The following NPC1L1 variants were observed in gnomAD, a reference collection of about 807,000 sequenced individuals.
NPC1L1 encodes the protein NPC1 like intracellular cholesterol transporter 1.
In NPC1L1, 98 loss-of-function variants were observed where a neutral mutation model predicts 117.0. That is an observed-to-expected ratio of 0.84 (90% confidence interval 0.71 to 0.99). The LOEUF is 0.99. NPC1L1 is among the 50% of genes least tolerant of loss of function. The pLI is 0.00. For missense variants in NPC1L1, 1,540 were observed against 1,710.0 expected (o/e 0.90, Z 1.75); for synonymous variants, 729 against 727.6 (o/e 1.00, Z -0.03).
rs990169969 is a variant in NPC1L1 at position 44,517,430 on chromosome 7, G to A, written c.3137-73C>T. 53 of 1,561,370 alleles carry A rather than the reference G, an allele frequency of 3.4e-5. 1 individual carries two copies. Among genetic ancestry groups the A allele is most frequent in the African/African-American group, 8.1e-5 (6 of 74,052 alleles). ...CTTTCCAGGACAACTTCAGAACACC[G>A]CAGACGCAGTGGCACAGGCATGTGA... is the stretch of plus-strand genomic sequence containing the variant. On this transcript the variant is annotated intron_variant, in intron 14 of 18. Coordinates refer to ENST00000381160, the MANE Select transcript of NPC1L1 (RefSeq NM_001101648.2).
chr7:44,522,771 T>G (rs977499509), intron 10 of NPC1L1, among the ~76,000 whole-genome samples: 1 of 152,086 alleles, frequency 6.6e-6, no homozygotes, highest in African/African-American at 2.4e-5. Context: ...GAACACACAC[T>G]GACACACACA....
rs1313125297 is a variant in NPC1L1 at position 44,536,006 on chromosome 7, C to G, written c.1855-38G>C. 6.2e-7 allele frequency: 1 copy of G among 1,612,072 alleles called. No individual in the cohort carries two copies. The highest frequency in any genetic ancestry group is 8.5e-7 in the Non-Finnish European group (1 of 1,179,884). ...ACCCGACCAGCCCCCACTGACCGTG[C>G]CTGCTTCAGCCAGGCCAGCTCTCAA... On this transcript the variant is annotated intron_variant, in intron 4 of 18. Transcript: ENST00000381160. This position sits in a 1 kb window ranked among gnomAD's most constrained non-coding sequence, Gnocchi z 4.7.
At chr7:44,532,295 T>A in intron 8 of NPC1L1, 78 bp from the exon 9 acceptor site, 1 of 1,581,916 alleles carries the variant, frequency 6.3e-7, no homozygotes, top group Non-Finnish European at 8.7e-7. Context: ...CCCCAGGGAG[T>A]GTCACCTTCT....
In NPC1L1 at chr7:44,536,148, C is replaced by T. The variant is rs1801882172; in HGVS notation, c.1854+108G>A. On this transcript the variant is annotated intron_variant, in intron 4 of 18. Coordinates refer to ENST00000381160, the MANE Select transcript of NPC1L1 (RefSeq NM_001101648.2). The surrounding 1 kb of genome is among the most constrained non-coding windows in gnomAD (Gnocchi z 4.7). ...AATCACCCCGTTCTGAGCAGGCAGC[C>T]ACTGCCCAGGGTCACTTAGGAAGGG... is the stretch of plus-strand genomic sequence containing the variant. The T allele has an allele frequency of 1.3e-6, 2 of 1,563,336 alleles. No individual in the cohort carries two copies. Among genetic ancestry groups the T allele is most frequent in the Admixed American group, 3.3e-5 (2 of 59,924 alleles).
chr7:44,530,779 C>T lies in NPC1L1; in HGVS notation c.2637+976G>A, dbSNP rs893715023. Among the ~76,000 whole-genome samples the T allele has an allele frequency of 2.0e-5, 3 of 152,136 alleles. No individual in the cohort carries two copies. In the South Asian group the frequency reaches 6.2e-4, roughly 32 times the overall value. ...CAGGTGGCAGGTTCATTCTGTGACT[C>T]CTCACCTGCTCTCCCTCCATAAAGT... On this transcript the variant is annotated intron_variant, in intron 10 of 18. Transcript: ENST00000381160.
At chr7:44,517,490 G>T in intron 14 of NPC1L1, 133 bp from the exon 15 acceptor site, 1 of 1,127,368 alleles carries the variant, frequency 8.9e-7, no homozygotes. Context: ...ACCACCATTT[G>T]AAATTCTTAG....
intron 16 of NPC1L1, among the ~76,000 whole-genome samples, 167 bp downstream of exon 16, chr7:44,516,536 T>C (rs1801190930): frequency 1.3e-5 from 2 of 151,850 alleles, no homozygotes; most frequent in African/African-American, 2.4e-5. Context: ...AGCCCAAGGG[T>C]TCGAGGCTAC....
intron 10 of NPC1L1, among the ~76,000 whole-genome samples, chr7:44,527,486 A>AAAAAAC (rs1801556611): frequency 6.7e-6 from 1 of 150,234 alleles, no homozygotes; most frequent in Non-Finnish European, 1.5e-5. Context: ...AAAAAAAAAA[A>AAAAAAC]GACATCAGCA....
Position 44,534,600 on chromosome 7 carries a change from G to A in NPC1L1, c.2013C>T (p.Gly671=), listed in dbSNP as rs777677665. ...CTGCTCCCAGGACCACGGCCACCCC[G>A]CCGAGGCCCAGCGTGGCCTTGGAGT... ...MVDSKATLGL[G]GVAVVLGAVM... is the part of the protein sequence containing the mutation. The change falls in exon 6 of 19, where the codon GGC becomes GGT. Residue 671 remains glycine (G), a synonymous_variant. Transcript: ENST00000381160. The surrounding 1 kb of genome is among the most constrained non-coding windows in gnomAD (Gnocchi z 5.2). The A allele has an allele frequency of 9.3e-6, 15 of 1,613,954 alleles. No homozygotes were observed. Among genetic ancestry groups the A allele is most frequent in the East Asian group, 6.7e-5 (3 of 44,888 alleles).
At position 44,534,560 on chromosome 7, in the gene NPC1L1, C is replaced by T. The variant is rs199892952; in HGVS notation, c.2053G>A (p.Gly685Ser). 5.6e-6 allele frequency: 9 copies of T among 1,614,010 alleles called. No homozygotes were observed. Among genetic ancestry groups the T allele is most frequent in the Non-Finnish European group, 7.6e-6 (9 of 1,180,028 alleles). Residue 685 changes from glycine to serine, a missense_variant, in exon 6 of 19, where the codon GGC (glycine) becomes AGC (serine). Physicochemically the swap from Gly to Ser is moderately conservative, Grantham distance 56. Transcript: ENST00000381160. This position sits in a 1 kb window ranked among gnomAD's most constrained non-coding sequence, Gnocchi z 5.2. ...CGGATACCCAAGTAGGAGAAGAAGC[C>T]CATGGCAGCCATGACTGCTCCCAGG... The part of the protein sequence containing the change: ...VVLGAVMAAM[G>S]FFSYLGIRSS...
rs142213634 is a variant in NPC1L1 at position 44,539,666 on chromosome 7, T to C, written c.731A>G (p.Asn244Ser). 102 of 1,613,906 alleles carry C rather than the reference T, an allele frequency of 6.3e-5. No homozygotes were observed. In the African/African-American group the frequency reaches 1.3e-3, roughly 20 times the overall value. ...CGCCACGTCGTCACCTTGGGACTCA[T>C]TGCAACGTGCAACCCCCTCATTCAG... ...QPLNEGVARC[N>S]ESQGDDVATC... Residue 244 changes from asparagine (N) to serine (S), a missense_variant, in exon 2 of 19, where the codon AAT becomes AGT. Asn to Ser is a conservative substitution (Grantham distance 46). Transcript: ENST00000381160. This position sits in a 1 kb window ranked among gnomAD's most constrained non-coding sequence, Gnocchi z 4.4.
intron 8 of NPC1L1, 35 bp from the exon 9 acceptor site, chr7:44,532,252 G>A (rs1348149339): frequency 6.2e-7 from 1 of 1,612,084 alleles, no homozygotes; most frequent in Admixed American, 1.7e-5. Flanking sequence ...GGTAGTCCCA[G>A]AGCAGACAAG....
At position 44,533,470 on chromosome 7, in the gene NPC1L1, G is replaced by T; in HGVS notation, c.2370C>A (p.Ala790=). 1 of 1,614,114 alleles carries T rather than the reference G, an allele frequency of 6.2e-7. No individual in the cohort carries two copies. The highest frequency in any genetic ancestry group is 8.5e-7 in the Non-Finnish European group (1 of 1,180,008). The change falls in exon 8 of 19, where the codon GCC becomes GCA. Residue 790 remains alanine, a synonymous_variant. Transcript: ENST00000381160. The stretch of plus-strand genomic sequence containing the variant: ...TGTCCAGGGAGAGCAGGGCCACAAA[G>T]GCTGACATCTGCAGGAGGAAGTCAA... ...VILDFLLQMS[A]FVALLSLDSK... is the part of the protein sequence containing the mutation.
chr7:44,528,375 G>C (rs1801589789), intron 10 of NPC1L1, among the ~76,000 whole-genome samples: 1 of 152,212 alleles, frequency 6.6e-6, no homozygotes, highest in African/African-American at 2.4e-5. Flanking sequence ...AAAGCATTGG[G>C]ATTACAGGCA....
rs1227848684 is a variant in NPC1L1, at chr7:44,532,065, T to A, written c.2547+15A>T. 6.2e-7 allele frequency: 1 copy of A among 1,614,118 alleles called. No homozygotes were observed. The highest frequency in any genetic ancestry group is 1.7e-5 in the Admixed American group (1 of 60,024). On this transcript the variant is annotated intron_variant, in intron 9 of 18. Coordinates refer to ENST00000381160, the MANE Select transcript of NPC1L1 (RefSeq NM_001101648.2). ...CCTAGTGCCCCTGCTCTCGTGTGGT[T>A]CGAGGCCCACTCACCACAACACCTC...
In NPC1L1 at chr7:44,522,075, C is replaced by G. The variant is rs553016615; in HGVS notation, c.2805G>C (p.Gln935His). Residue 935 changes from glutamine (Q) to histidine (H), a missense_variant, in exon 11 of 19, where the codon CAG becomes CAC. Physicochemically the swap from Gln to His is conservative, Grantham distance 24 (BLOSUM62 0). This residue lies in a region of NPC1L1 where 742 missense variants were observed against 873.6 expected (regional missense o/e 0.85). Transcript: ENST00000381160. ...ACTGCTCAGGGAACTCTGTGGCATA[C>G]TGGATCTTCTGGGTGAAGGAGAAGT... ...CNNFSFTQKI[Q>H]YATEFPEQSY... is the part of the protein sequence containing the mutation. The G allele has an allele frequency of 6.2e-7, 1 of 1,613,984 alleles. No homozygotes were observed. Among genetic ancestry groups the G allele is most frequent in the Admixed American group, 1.7e-5 (1 of 60,002 alleles).
At position 44,537,570 on chromosome 7, in the gene NPC1L1, C is replaced by T. The variant is rs115200773; in HGVS notation, c.1581-628G>A. ...GCCCTTTCTGCAAAGCCCGTCATTG[C>T]GAAGATGCAGTGGGACACCTGAGCA... On this transcript the variant is annotated intron_variant, in intron 2 of 18. Coordinates refer to ENST00000381160, the MANE Select transcript of NPC1L1 (RefSeq NM_001101648.2). Among the ~76,000 whole-genome samples the T allele has an allele frequency of 4.1e-3, 625 of 152,274 alleles. 8 individuals are homozygous for T. Among genetic ancestry groups the T allele is most frequent in the African/African-American group, 0.014 (582 of 41,548 alleles).
At chr7:44,519,823 TGAGAGAGGGTC>T (rs1801298458) in intron 14 of NPC1L1, among the ~76,000 whole-genome samples, 1 of 151,770 alleles carries the variant, frequency 6.6e-6, no homozygotes, top group Non-Finnish European at 1.5e-5. Flanking sequence ...TTTTTTTTTT[TGAGAGAGGGTC>T]TCACTTTGTT....
intron 10 of NPC1L1, among the ~76,000 whole-genome samples, chr7:44,526,123 G>A (rs1443155934): frequency 6.6e-6 from 1 of 151,560 alleles, no homozygotes; most frequent in African/African-American, 2.4e-5. Context: ...CTGAGATCAT[G>A]CCACTGCACT....
Sources: allele counts gnomAD v4.1 joint callset (sites outside exome capture counted in the v4.1 genomes callset), GRCh38; gene constraint gnomAD v4.1.1; regional missense constraint gnomAD v4.1.1; non-coding constraint Gnocchi (gnomAD v3.1); transcripts MANE v1.5; gene names NCBI Gene and HGNC (gene_info 2026-07-23, HGNC 2026-07-21).